CDK19: variants seen among roughly 807,000 people sequenced by gnomAD.
CDK19 encodes cyclin dependent kinase 19, also known as cyclin-dependent kinase 19.
Under a neutral mutation model 68.3 loss-of-function variants are expected in CDK19, and 20 were observed. The ratio of observed to expected loss-of-function variants is 0.29; its 90% confidence interval spans 0.21 to 0.43. The LOEUF is 0.43. CDK19 is among the 20% of genes least tolerant of loss of function. The pLI is 1.00. For synonymous variants in CDK19, 221 were observed against 222.8 expected (o/e 0.99, Z 0.07); for missense variants, 339 against 623.5 (o/e 0.54, Z 4.86).
intron 3 of CDK19, 141 bp downstream of exon 3, chr6:110,670,290 C>T: frequency 2.1e-6 from 1 of 475,442 alleles, no homozygotes; most frequent in South Asian, 4.9e-5. Flanking sequence ...TCTTCAAAAT[C>T]AACATTTATG....
chr6:110,752,057 CAAA>C (rs889720510), intron 1 of CDK19, among the ~76,000 whole-genome samples: 1 of 140,496 alleles, frequency 7.1e-6, no homozygotes, highest in Non-Finnish European at 1.6e-5. Flanking sequence ...TTTGAAATAA[CAAA>C]AAAAAAAAGA....
chr6:110,803,304 C>T (rs1187474428), intron 1 of CDK19, among the ~76,000 whole-genome samples: 1 of 152,190 alleles, frequency 6.6e-6, no homozygotes, highest in African/African-American at 2.4e-5. Flanking sequence ...TGGTCTCGAT[C>T]TCCTGACCTC....
chr6:110,707,465 C>T (rs1184251970), intron 2 of CDK19, among the ~76,000 whole-genome samples: 4 of 152,026 alleles, frequency 2.6e-5, no homozygotes, highest in Admixed American at 1.3e-4. Context: ...ATGTGTTTTA[C>T]CAGGATACAG....
In CDK19 at chr6:110,638,543, A is replaced by G. The variant is rs761448775; in HGVS notation, c.514+106T>C. Reference sequence around the variant, plus strand: ...CAATATCTTTTCTAAAAATAATGAGAAAGTAATTTTAAAATTAACTACCTA... The same window carrying G: ...CAATATCTTTTCTAAAAATAATGAGGAAGTAATTTTAAAATTAACTACCTA... On this transcript the variant is annotated intron_variant, in intron 5 of 12. Coordinates refer to ENST00000368911, the MANE Select transcript of CDK19 (RefSeq NM_015076.5). 7 of 685,080 alleles carry G rather than the reference A, an allele frequency of 1.0e-5. No homozygotes were observed. The Middle Eastern group carries it at 8.2e-4, about 80-fold the overall frequency. 42.4% of individuals were successfully genotyped at this position (685,080 alleles called of 1,614,324 possible). A position where few individuals can be genotyped will look rare whatever the true frequency, so the allele number is the denominator to read the frequency against.
At chr6:110,664,778 G>A (rs1781820749) in intron 4 of CDK19, among the ~76,000 whole-genome samples, 1 of 152,168 alleles carries the variant, frequency 6.6e-6, no homozygotes, top group Non-Finnish European at 1.5e-5. Flanking sequence ...AAGTAAAGAT[G>A]CAGTACAACA....
rs1467593689 is a variant in CDK19 at position 110,614,659 on chromosome 6, C to G, written c.1385G>C (p.Ser462Thr). Residue 462 changes from serine to threonine, a missense_variant, in exon 13 of 13, where the codon AGT becomes ACT. Coordinates refer to ENST00000368911, the MANE Select transcript of CDK19 (RefSeq NM_015076.5). ...GCTGCTTTGGTAATTCAGGCGAGAACTGGAGTGCTAGGAGAAGGAAACAGG... is the reference window on the plus strand; with the variant it reads ...GCTGCTTTGGTAATTCAGGCGAGAAGTGGAGTGCTAGGAGAAGGAAACAGG... ...PVMPSDYQHS[S>T]SRLNYQSSVQ... 2.5e-6 allele frequency: 4 copies of G among 1,613,990 alleles called. No individual in the cohort carries two copies. Among genetic ancestry groups the G allele is most frequent in the Non-Finnish European group, 1.7e-6 (2 of 1,179,964 alleles).
At chr6:110,723,283 C>T (rs1173338577) in intron 2 of CDK19, among the ~76,000 whole-genome samples, 1 of 152,088 alleles carries the variant, frequency 6.6e-6, no homozygotes, top group Non-Finnish European at 1.5e-5. Context: ...GGTGAAAAAG[C>T]CATCAAACTA....
chr6:110,641,615 A>G (rs923720043), intron 4 of CDK19, among the ~76,000 whole-genome samples: 2 of 141,486 alleles, frequency 1.4e-5, no homozygotes, highest in Non-Finnish European at 3.1e-5. Context: ...AAAAAAGAAA[A>G]AGAAAGGAGA....
intron 2 of CDK19, among the ~76,000 whole-genome samples, chr6:110,719,345 A>G (rs1490516304): frequency 6.6e-6 from 1 of 152,068 alleles, no homozygotes; most frequent in Non-Finnish European, 1.5e-5. Context: ...ACAACCAGGC[A>G]TGGTGGCTAA....
chr6:110,643,144 G>A (rs1411937751), intron 4 of CDK19: 13 of 1,255,488 alleles, frequency 1.0e-5, no homozygotes, highest in Non-Finnish European at 1.3e-5. Flanking sequence ...AAACCTAGAT[G>A]CTACCAGTAG....
At chr6:110,647,054 A>C (rs997597164) in intron 4 of CDK19, among the ~76,000 whole-genome samples, 2 of 151,180 alleles carry the variant, frequency 1.3e-5, no homozygotes, top group African/African-American at 4.9e-5. Flanking sequence ...CCACGACCCG[A>C]CACTATTTCT....
chr6:110,641,646 A>AAGAAAGGAAGGAAGGAAGGAAGG (rs1780186278), intron 4 of CDK19, among the ~76,000 whole-genome samples: 1 of 131,416 alleles, frequency 7.6e-6, no homozygotes, highest in African/African-American at 3.0e-5. Flanking sequence ...AAAGGGAAAG[A>AAGAAAGGAAGGAAGGAAGGAAGG]AAGGAAGGAA....
chr6:110,809,138 C>T (rs1782889797), intron 1 of CDK19, among the ~76,000 whole-genome samples: 1 of 151,784 alleles, frequency 6.6e-6, no homozygotes, highest in South Asian at 2.1e-4. Context: ...TGGCATGAAC[C>T]CAGGAGGCGC....
At chr6:110,661,200 T>C (rs1781596363) in intron 4 of CDK19, among the ~76,000 whole-genome samples, 1 of 152,248 alleles carries the variant, frequency 6.6e-6, no homozygotes. Context: ...AATGGATCAA[T>C]GTACTGATCT....
intron 4 of CDK19, among the ~76,000 whole-genome samples, chr6:110,657,952 G>A (rs1562167439): frequency 6.6e-6 from 1 of 152,152 alleles, no homozygotes; most frequent in Non-Finnish European, 1.5e-5. Context: ...GCAGGACTCT[G>A]TTGAAAGCTC....
At chr6:110,703,105 A>C (rs558184614) in intron 2 of CDK19, among the ~76,000 whole-genome samples, 1 of 152,332 alleles carries the variant, frequency 6.6e-6, no homozygotes, top group African/African-American at 2.4e-5. Context: ...ATGACCCATT[A>C]GTGAATCATG....
At chr6:110,627,540 G>A (rs1354839550) in intron 6 of CDK19, among the ~76,000 whole-genome samples, 1 of 151,924 alleles carries the variant, frequency 6.6e-6, no homozygotes, top group African/African-American at 2.4e-5. Flanking sequence ...TTGTTTTTAG[G>A]GTCTCTGTCA....
intron 4 of CDK19, among the ~76,000 whole-genome samples, chr6:110,656,871 G>A (rs924742198): frequency 7.9e-5 from 12 of 152,274 alleles, no homozygotes; most frequent in Admixed American, 6.5e-4. Flanking sequence ...GAGTATAATC[G>A]CGATATATTC....
intron 1 of CDK19, among the ~76,000 whole-genome samples, chr6:110,782,223 T>C (rs1010555352): frequency 6.6e-6 from 1 of 152,236 alleles, no homozygotes; most frequent in Non-Finnish European, 1.5e-5. Flanking sequence ...ATTATGCTGC[T>C]AGCAACAACT....
Sources: gnomAD v4.1 joint callset for allele counts (sites outside exome capture counted in the v4.1 genomes callset) on GRCh38, gnomAD v4.1.1 for gene constraint, MANE v1.5 for transcripts, NCBI Gene and HGNC (gene_info 2026-07-23, HGNC 2026-07-21) for gene names.